Variants in VNN1 observed in about 807,000 individuals in gnomAD.
VNN1 encodes the protein vanin 1, also known as pantetheinase.
VNN1 carries 29 observed loss-of-function variants against 41.9 expected under a neutral mutation model. That is an observed-to-expected ratio of 0.69 (90% CI 0.52 to 0.94). The LOEUF is 0.94. Among genes scored for constraint, VNN1 ranks in the 40% least tolerant of loss-of-function variants. VNN1 has a pLI of 0.00. For synonymous variants in VNN1, 233 were observed against 224.4 expected (o/e 1.04, Z -0.34); for missense variants, 637 against 621.1 (o/e 1.03, Z -0.27).
chr6:132,706,773 T>C (rs1778524863), intron 2 of VNN1, among the ~76,000 whole-genome samples: 1 of 152,042 alleles, frequency 6.6e-6, no homozygotes, highest in Non-Finnish European at 1.5e-5. Flanking sequence ...AAGGGATTCA[T>C]AACCGGAATA....
chr6:132,695,027 C>T (rs1778349572), intron 2 of VNN1, among the ~76,000 whole-genome samples: 1 of 152,128 alleles, frequency 6.6e-6, no homozygotes, highest in Non-Finnish European at 1.5e-5. Context: ...TGGCGTGCGC[C>T]TATAATCCCA....
At chr6:132,699,809 G>A (rs988541396) in intron 2 of VNN1, 1 of 152,204 alleles carries the variant, frequency 6.6e-6, no homozygotes, top group African/African-American at 2.4e-5. Context: ...TGACTTCACT[G>A]ATCTTTCAGT....
rs1322234555 is a variant in VNN1, at chr6:132,693,200, T to A, written c.650A>T (p.His217Leu). The change falls in exon 4 of 7, where the codon CAT becomes CTT. Residue 217 changes from histidine (H) to leucine (L), a missense_variant. Transcript: ENST00000367928. Reference sequence around the variant, plus strand: ...TTTCACCAAGGTAACAGCAGGATCATGGAAGAGTATATCAAAGCATGTGAA... The same window carrying A: ...TTTCACCAAGGTAACAGCAGGATCAAGGAAGAGTATATCAAAGCATGTGAA... ...GIFTCFDILF[H>L]DPAVTLVKDF... 6.2e-7 allele frequency: 1 copy of A among 1,614,022 alleles called. No homozygotes were observed. Among genetic ancestry groups the A allele is most frequent in the Non-Finnish European group, 8.5e-7 (1 of 1,180,010 alleles).
At chr6:132,710,285 G>A (rs745603634) in intron 2 of VNN1, among the ~76,000 whole-genome samples, 2 of 151,984 alleles carry the variant, frequency 1.3e-5, no homozygotes, top group African/African-American at 2.4e-5. Flanking sequence ...CCTGACCTCA[G>A]GTGATCCTCC....
intron 2 of VNN1, among the ~76,000 whole-genome samples, chr6:132,706,206 A>G (rs1380007855): frequency 1.3e-5 from 2 of 152,066 alleles, no homozygotes; most frequent in Non-Finnish European, 2.9e-5. Context: ...AAGCCCTCCT[A>G]AGCAAAAAGA....
Position 132,692,552 on chromosome 6 carries a change from C to A in VNN1, c.859G>T (p.Ala287Ser). ...TCTGTCTTCATATCATAATGAAATG[C>A]TCTTGAAGAATTGGGTGCATAGATG... ...SGIYAPNSSR[A>S]FHYDMKTEEG... is the part of the protein sequence containing the mutation. Residue 287 changes from alanine to serine, a missense_variant, in exon 5 of 7, where the codon GCA becomes TCA. Transcript: ENST00000367928. The A allele has an allele frequency of 1.9e-6, 3 of 1,598,276 alleles. No homozygotes were observed.
Position 132,703,192 on chromosome 6 carries a change from T to C in VNN1, c.341+8517A>G, listed in dbSNP as rs996540774. 1.1e-4 allele frequency among the ~76,000 whole-genome samples: 16 copies of C among 152,184 alleles called. No individual in the cohort carries two copies. In the East Asian group the frequency reaches 3.1e-3, roughly 29 times the overall value. ...TTCTTCAATCTGAAAGAAAAAGACA[T>C]CAATAACCAATAAGAAAGCATCTTA... On this transcript the variant is annotated intron_variant, in intron 2 of 6. Transcript: ENST00000367928.
chr6:132,708,156 T>C (rs983925295), intron 2 of VNN1, among the ~76,000 whole-genome samples: 1 of 152,202 alleles, frequency 6.6e-6, no homozygotes, highest in Non-Finnish European at 1.5e-5. Context: ...TTAGACATAG[T>C]TTGTCTCTGA....
In VNN1 at chr6:132,697,061, C is replaced by T. The variant is rs181533398; in HGVS notation, c.342-2879G>A. ...TGGAGCTTGCAGTGAGCTGAGATTG[C>T]GCCCCTGCACTCCAGCCTGGGTGAC... On this transcript the variant is annotated intron_variant, in intron 2 of 6. Coordinates refer to ENST00000367928, the MANE Select transcript of VNN1 (RefSeq NM_004666.3). Among the ~76,000 whole-genome samples, 883 of 151,812 alleles carry T rather than the reference C, an allele frequency of 5.8e-3. 5 individuals are homozygous for T. The highest frequency in any genetic ancestry group is 0.022 in the South Asian group (104 of 4,804).
At chr6:132,692,973 C>G in intron 4 of VNN1, 51 bp downstream of exon 4, 1 of 1,461,264 alleles carries the variant, frequency 6.8e-7, no homozygotes, top group Non-Finnish European at 9.1e-7. Flanking sequence ...TTTTTTTTTT[C>G]TTTTCTTTTC....
intron 2 of VNN1, among the ~76,000 whole-genome samples, chr6:132,705,172 C>T (rs180903337): frequency 6.6e-6 from 1 of 150,934 alleles, no homozygotes; most frequent in Non-Finnish European, 1.5e-5. Flanking sequence ...CAAACTCATT[C>T]AATGAGGCTA....
rs979493214 is a variant in VNN1 at position 132,682,430 on chromosome 6, GAT to G, written c.*708_*709del. 8 of 153,290 alleles carry G rather than the reference GAT, an allele frequency of 5.2e-5. No individual in the cohort carries two copies. Among genetic ancestry groups the G allele is most frequent in the African/African-American group, 1.9e-4 (8 of 41,474 alleles). 9.5% of individuals were successfully genotyped at this position (153,290 alleles called of 1,614,324 possible). A position where few individuals can be genotyped will look rare whatever the true frequency, so the allele number is the denominator to read the frequency against. On this transcript the variant is annotated 3_prime_UTR_variant, in exon 7 of 7. Coordinates refer to ENST00000367928, the MANE Select transcript of VNN1 (RefSeq NM_004666.3). ...ATAGTTTTGGAGGCTGGAAGTCCAA[GAT>G]CAAGGTGTTGGCAGGGTTGGTTTCT...
intron 2 of VNN1, among the ~76,000 whole-genome samples, chr6:132,706,369 C>T (rs778233131): frequency 3.3e-5 from 5 of 152,056 alleles, no homozygotes; most frequent in Admixed American, 6.6e-5. Context: ...ACAGTGAACT[C>T]GTCTTCAACA....
intron 6 of VNN1, 78 bp from the exon 7 acceptor site, chr6:132,683,400 A>G (rs1778157083): frequency 1.4e-6 from 2 of 1,423,458 alleles, no homozygotes; most frequent in Non-Finnish European, 1.9e-6. Flanking sequence ...ATTTACTATA[A>G]CAGAATGAAG....
chr6:132,706,449 C>T (rs147373516), intron 2 of VNN1, among the ~76,000 whole-genome samples: 113 of 152,146 alleles, frequency 7.4e-4, no homozygotes, highest in African/African-American at 2.6e-3. Context: ...AACCAGATAC[C>T]CATATGCGGA....
intron 2 of VNN1, among the ~76,000 whole-genome samples, chr6:132,707,646 A>C (rs1582778391): frequency 6.6e-6 from 1 of 152,376 alleles, no homozygotes; most frequent in East Asian, 1.9e-4. Context: ...GTTATGTGAA[A>C]TAACGTAAGT....
chr6:132,692,838 A>C (rs534778441), intron 4 of VNN1, among the ~76,000 whole-genome samples, 186 bp downstream of exon 4: 105 of 152,332 alleles, frequency 6.9e-4, no homozygotes, highest in African/African-American at 2.5e-3. Context: ...GTTAAATAAA[A>C]CCAAATAAAT....
intron 2 of VNN1, among the ~76,000 whole-genome samples, chr6:132,696,367 A>T (rs552254556): frequency 6.6e-6 from 1 of 152,308 alleles, no homozygotes; most frequent in Non-Finnish European, 1.5e-5. Context: ...GCACTGTGGG[A>T]GTCTCAGAAG....
intron 2 of VNN1, among the ~76,000 whole-genome samples, chr6:132,697,497 T>C (rs937884405): frequency 1.3e-5 from 2 of 152,098 alleles, no homozygotes; most frequent in Non-Finnish European, 2.9e-5. Context: ...CCAATAATTG[T>C]CCCAGTAAAG....
Sources: allele counts gnomAD v4.1 joint callset (sites outside exome capture counted in the v4.1 genomes callset), GRCh38; gene constraint gnomAD v4.1.1; transcripts MANE v1.5; gene names NCBI Gene and HGNC (gene_info 2026-07-23, HGNC 2026-07-21).